The following SLC22A3 variants were observed in gnomAD, a reference collection of about 807,000 sequenced individuals.
SLC22A3 encodes solute carrier family 22 member 3, also known as EMT organic cation transporter 3.
A neutral mutation model predicts 59.1 loss-of-function variants in SLC22A3; 51 were observed. The ratio of observed to expected loss-of-function variants is 0.86; its 90% CI spans 0.69 to 1.09. SLC22A3 has a LOEUF of 1.09. Among genes scored for constraint, SLC22A3 ranks in the 50% least tolerant of loss-of-function variants. The probability of loss-of-function intolerance (pLI) is 0.00; values close to 1 mark genes in which losing one functional copy is unlikely to be tolerated. For missense variants in SLC22A3, 711 were observed against 726.3 expected (o/e 0.98, Z 0.24); for synonymous variants, 325 against 292.0 (o/e 1.11, Z -1.15).
chr6:160,414,787 C>G (rs1183085781), intron 5 of SLC22A3, among the ~76,000 whole-genome samples: 3 of 152,216 alleles, frequency 2.0e-5, no homozygotes, highest in Non-Finnish European at 4.4e-5. Context: ...TTACCTCTCA[C>G]TGGGTTCCTC....
intron 7 of SLC22A3, among the ~76,000 whole-genome samples, chr6:160,438,858 C>T (rs1788444098): frequency 6.6e-6 from 1 of 152,168 alleles, no homozygotes; most frequent in South Asian, 2.1e-4. Flanking sequence ...AGGGTCTCTT[C>T]ATGCCTCTCT....
chr6:160,392,213 C>T (rs1487195591), intron 1 of SLC22A3, among the ~76,000 whole-genome samples: 3 of 152,176 alleles, frequency 2.0e-5, no homozygotes, highest in African/African-American at 4.8e-5. Flanking sequence ...TTGGCACCCA[C>T]GTTTCTGTCT....
At chr6:160,402,701 C>T (rs1034772801) in intron 2 of SLC22A3, among the ~76,000 whole-genome samples, 4 of 151,554 alleles carry the variant, frequency 2.6e-5, no homozygotes, top group African/African-American at 9.7e-5. Context: ...AATCTCTGCT[C>T]CCAGAACATA....
At chr6:160,388,402 C>T (rs139966281) in intron 1 of SLC22A3, among the ~76,000 whole-genome samples, 2 of 152,236 alleles carry the variant, frequency 1.3e-5, no homozygotes, top group East Asian at 3.9e-4. Flanking sequence ...TGGGACCCAC[C>T]CCTAGAAATT....
intron 1 of SLC22A3, among the ~76,000 whole-genome samples, chr6:160,350,368 T>C (rs1280461116): frequency 6.6e-6 from 1 of 152,238 alleles, no homozygotes; most frequent in Non-Finnish European, 1.5e-5. Flanking sequence ...CATATGTGTG[T>C]TGGGATCTTT....
intron 1 of SLC22A3, among the ~76,000 whole-genome samples, chr6:160,357,501 C>T (rs547135013): frequency 2.0e-5 from 3 of 152,192 alleles, no homozygotes; most frequent in South Asian, 4.2e-4. Context: ...AGACAGAAAC[C>T]GAAGGGACAA....
At chr6:160,408,210 G>A (rs896524126) in intron 3 of SLC22A3, among the ~76,000 whole-genome samples, 79 of 152,266 alleles carry the variant, frequency 5.2e-4, no homozygotes, top group African/African-American at 1.9e-3. Context: ...AATTTCCCAT[G>A]TGATTTTTAG....
chr6:160,386,177 C>A (rs1786004533), intron 1 of SLC22A3, among the ~76,000 whole-genome samples: 1 of 152,222 alleles, frequency 6.6e-6, no homozygotes, highest in Non-Finnish European at 1.5e-5. Context: ...TGGGGTCTTG[C>A]TGCCTTTGGG....
intron 7 of SLC22A3, among the ~76,000 whole-genome samples, chr6:160,438,491 G>A (rs1788430187): frequency 6.6e-6 from 1 of 152,082 alleles, no homozygotes; most frequent in Non-Finnish European, 1.5e-5. Flanking sequence ...ATTTACAGAT[G>A]AGTTTATTAA....
intron 1 of SLC22A3, among the ~76,000 whole-genome samples, chr6:160,355,182 C>A (rs566978951): frequency 6.6e-6 from 1 of 152,326 alleles, no homozygotes; most frequent in South Asian, 2.1e-4. Flanking sequence ...TGTTAGGCTG[C>A]TCTGACTCAT....
At chr6:160,422,979 C>T (rs961588454) in intron 5 of SLC22A3, among the ~76,000 whole-genome samples, 5 of 152,014 alleles carry the variant, frequency 3.3e-5, no homozygotes, top group Non-Finnish European at 5.9e-5. Flanking sequence ...TTTCCCTGCC[C>T]CCTTCCCCCA....
intron 4 of SLC22A3, among the ~76,000 whole-genome samples, chr6:160,410,150 G>A (rs1287559314): frequency 6.6e-5 from 10 of 152,158 alleles, no homozygotes; most frequent in Admixed American, 6.5e-4. Context: ...CCCAGTAGCT[G>A]GGATTACAGG....
chr6:160,358,625 T>C (rs535772092), intron 1 of SLC22A3, among the ~76,000 whole-genome samples: 34 of 152,288 alleles, frequency 2.2e-4, no homozygotes, highest in African/African-American at 7.7e-4. Context: ...AGTTGTGATA[T>C]AGAGTGAACA....
intron 5 of SLC22A3, among the ~76,000 whole-genome samples, chr6:160,417,240 G>T (rs1475772148): frequency 6.6e-6 from 1 of 152,160 alleles, no homozygotes; most frequent in Non-Finnish European, 1.5e-5. Flanking sequence ...ATGAATTCCT[G>T]ACAGCCCTCT....
At chr6:160,352,933 C>T (rs1195606833) in intron 1 of SLC22A3, among the ~76,000 whole-genome samples, 1 of 152,138 alleles carries the variant, frequency 6.6e-6, no homozygotes, top group Non-Finnish European at 1.5e-5. Flanking sequence ...CAATTCTCCT[C>T]CCTCAGCCTC....
chr6:160,440,116 A>G (rs6922288), intron 7 of SLC22A3, among the ~76,000 whole-genome samples: 1 of 152,332 alleles, frequency 6.6e-6, no homozygotes, highest in African/African-American at 2.4e-5. Context: ...TTCTGGTTGT[A>G]TTCTCATCTC....
rs776119192 is a variant in SLC22A3 at position 160,408,888 on chromosome 6, C to T, written c.824C>T (p.Thr275Met). 1.3e-5 allele frequency: 21 copies of T among 1,613,638 alleles called. No individual in the cohort carries two copies. Among genetic ancestry groups the T allele is most frequent in the East Asian group, 2.2e-5 (1 of 44,886 alleles). Residue 275 changes from threonine (T) to methionine (M), a missense_variant, in exon 4 of 11, where the codon ACG becomes ATG. Thr to Met is a moderately conservative substitution (Grantham distance 81, BLOSUM62 -1). Coordinates refer to ENST00000275300, the MANE Select transcript of SLC22A3 (RefSeq NM_021977.4). Reference protein sequence around the residue: ...PNWQGIQLAITLPSFLFLLYY... With the variant: ...PNWQGIQLAIMLPSFLFLLYY... ...TGGCAAGGAATCCAGTTAGCCATCA[C>T]GCTGCCCAGCTTTCTCTTCCTCCTT...
At chr6:160,372,353 T>A (rs1165912789) in intron 1 of SLC22A3, among the ~76,000 whole-genome samples, 1 of 152,230 alleles carries the variant, frequency 6.6e-6, no homozygotes, top group East Asian at 1.9e-4. Context: ...GTAGGGTTTC[T>A]ACAGAGAGAT....
intron 1 of SLC22A3, among the ~76,000 whole-genome samples, chr6:160,391,747 T>G (rs914558637): frequency 6.6e-6 from 1 of 152,200 alleles, no homozygotes. Context: ...TAAAACAGCC[T>G]GGAGAGAGAG....
Sources: allele counts gnomAD v4.1 joint callset (sites outside exome capture counted in the v4.1 genomes callset), GRCh38; gene constraint gnomAD v4.1.1; transcripts MANE v1.5; gene names NCBI Gene and HGNC (gene_info 2026-07-23, HGNC 2026-07-21).